Variants in MDGA1 observed in about 807,000 individuals in gnomAD.
The protein encoded by MDGA1 is MAM domain-containing glycosylphosphatidylinositol anchor protein 1.
MDGA1 carries 54 observed loss-of-function variants against 101.5 expected under a neutral mutation model. The observed-to-expected ratio is 0.53, with a 90% CI of 0.43 to 0.67. The LOEUF (loss-of-function observed/expected upper bound fraction) is 0.67, where lower values mean the gene tolerates loss of function less well. Among genes scored for constraint, MDGA1 ranks in the 30% least tolerant of loss-of-function variants. The probability of loss-of-function intolerance (pLI) is 0.00; values close to 1 mark genes in which losing one functional copy is unlikely to be tolerated. For synonymous variants in MDGA1, 533 were observed against 558.3 expected (o/e 0.95, Z 0.64); for missense variants, 1,083 against 1,323.8 (o/e 0.82, Z 2.82).
chr6:37,682,778 C>T (rs1762124099), intron 1 of MDGA1, among the ~76,000 whole-genome samples: 1 of 152,024 alleles, frequency 6.6e-6, no homozygotes, highest in Admixed American at 6.6e-5. Flanking sequence ...GCGGGGGGTT[C>T]AATAAATACT....
In MDGA1 at chr6:37,638,348, G is replaced by C; in HGVS notation, c.2668-35C>G. ...GGTCAGAAAGCAAGGAGCAAGGGTT[G>C]AGGAGGTTCTGCTGGGTACCAGAGT... is the stretch of plus-strand genomic sequence containing the variant. On this transcript the variant is annotated intron_variant, in intron 15 of 16. Transcript: ENST00000434837. The surrounding 1 kb of genome is among the most constrained non-coding windows in gnomAD (Gnocchi z 4.8). 6.4e-7 allele frequency: 1 copy of C among 1,564,640 alleles called. No individual in the cohort carries two copies. Among genetic ancestry groups the C allele is most frequent in the East Asian group, 2.2e-5 (1 of 44,504 alleles).
chr6:37,674,029 T>C (rs75051797), intron 1 of MDGA1, among the ~76,000 whole-genome samples: 2,800 of 152,322 alleles, frequency 0.018, 38 homozygotes, highest in Middle Eastern at 0.068. Context: ...TCTGAGCACC[T>C]ATTATGTGAA....
chr6:37,650,191 G>T lies in MDGA1; in HGVS notation c.1527C>A (p.Ser509Arg). The T allele has an allele frequency of 6.2e-7, 1 of 1,613,208 alleles. No individual in the cohort carries two copies. The highest frequency in any genetic ancestry group is 8.5e-7 in the Non-Finnish European group (1 of 1,179,732). ...GGGCCGTCTGGCAGCGGTAGGTCCC[G>T]CTCATGTCTCGGCTCACTCGCTCCA... ...LRLERVSRDM[S>R]GTYRCQTARY... is the part of the protein sequence containing the mutation. The change falls in exon 8 of 17, where the codon AGC becomes AGA. Residue 509 changes from serine to arginine, a missense_variant. Physicochemically the swap from Ser to Arg is moderately radical, Grantham distance 110. Transcript: ENST00000434837.
intron 14 of MDGA1, among the ~76,000 whole-genome samples, chr6:37,642,216 T>TCACTCAGG (rs1346817174): frequency 6.9e-6 from 1 of 144,710 alleles, no homozygotes; most frequent in Non-Finnish European, 1.5e-5. Flanking sequence ...TCTTACTCTG[T>TCACTCAGG]CACTCAGGCT....
At chr6:37,685,608 A>G (rs1762180946) in intron 1 of MDGA1, among the ~76,000 whole-genome samples, 1 of 152,158 alleles carries the variant, frequency 6.6e-6, no homozygotes, top group African/African-American at 2.4e-5. Context: ...TTTTTCTGGA[A>G]CCACAGAGCT....
chr6:37,686,357 T>C (rs1467421497), intron 1 of MDGA1, among the ~76,000 whole-genome samples: 1 of 48,834 alleles, frequency 2.0e-5, no homozygotes, highest in African/African-American at 1.2e-4. Flanking sequence ...ACGTAGGGAC[T>C]TTTTTTTTTA....
In MDGA1 at chr6:37,653,596, T is replaced by A. The variant is rs890486560; in HGVS notation, c.982+678A>T. Among the ~76,000 whole-genome samples the A allele has an allele frequency of 1.4e-4, 21 of 152,042 alleles. No homozygotes were observed. The East Asian group carries it at 1.5e-3, about 11-fold the overall frequency. On this transcript the variant is annotated intron_variant, in intron 6 of 16. Transcript: ENST00000434837. ...GCTCTCAGGTAGCCAAAATATATTT[T>A]AAAAAAAAGAAAAGAAAACAAACAA...
chr6:37,642,163 A>G (rs958057093), intron 14 of MDGA1, among the ~76,000 whole-genome samples: 11 of 140,474 alleles, frequency 7.8e-5, no homozygotes, highest in Non-Finnish European at 1.2e-4. Context: ...ATATATATAT[A>G]TGTACTGGTT....
At chr6:37,644,699 G>C (rs778697981) in intron 12 of MDGA1, 50 bp from the exon 13 acceptor site, 7 of 1,460,408 alleles carry the variant, frequency 4.8e-6, no homozygotes, top group African/African-American at 1.4e-5. Flanking sequence ...TTCAGTCCCT[G>C]AGGCCCAGCC....
At chr6:37,657,061 T>C (rs1761505927) in intron 3 of MDGA1, among the ~76,000 whole-genome samples, 1 of 152,178 alleles carries the variant, frequency 6.6e-6, no homozygotes, top group African/African-American at 2.4e-5. Flanking sequence ...AAATGTTCTA[T>C]CTCTTGAACT....
rs1761192250 is a variant in MDGA1 at position 37,646,274 on chromosome 6, G to A, written c.2148C>T (p.Ser716=). The change falls in exon 11 of 17, where the codon AGC becomes AGT. Residue 716 remains serine, a synonymous_variant. Coordinates refer to ENST00000434837, the MANE Select transcript of MDGA1 (RefSeq NM_153487.4). ...TATAGGGTGTGAGGCGGACCTCATA[G>A]CTGTGGGGCACACGGAGATCGGTCA... The part of the protein sequence containing the change: ...YILTDLRVPH[S]YEVRLTPYTT... 6.2e-7 allele frequency: 1 copy of A among 1,606,130 alleles called. No individual in the cohort carries two copies. Among genetic ancestry groups the A allele is most frequent in the Non-Finnish European group, 8.5e-7 (1 of 1,175,978 alleles).
rs1561841140 is a variant in MDGA1, at chr6:37,644,505, G to T, written c.2393C>A (p.Thr798Asn). 6.3e-7 allele frequency: 1 copy of T among 1,580,476 alleles called. No homozygotes were observed. The highest frequency in any genetic ancestry group is 1.4e-5 in the African/African-American group (1 of 73,706). ...NTGPPTDISG[T>N]PEGYYMFIET... ...GCAGGCCAGGTCCTCACCCTCAGGG[G>T]TGCCACTTATGTCGGTGGGGGGACC... Residue 798 changes from threonine (T) to asparagine (N), a missense_variant, in exon 13 of 17, where the codon ACC becomes AAC. Thr to Asn is a moderately conservative substitution (Grantham distance 65, BLOSUM62 0). Coordinates refer to ENST00000434837, the MANE Select transcript of MDGA1 (RefSeq NM_153487.4).
intron 7 of MDGA1, 49 bp from the exon 8 acceptor site, chr6:37,650,454 T>G: frequency 2.1e-6 from 3 of 1,449,816 alleles, no homozygotes; most frequent in Non-Finnish European, 2.7e-6. Context: ...GAGTTAGAGC[T>G]CCCCACTGGG....
At chr6:37,649,496 C>A (rs1266899091) in intron 8 of MDGA1, among the ~76,000 whole-genome samples, 1 of 152,218 alleles carries the variant, frequency 6.6e-6, no homozygotes, top group African/African-American at 2.4e-5. Context: ...TTCCCAGACC[C>A]GGCCTCCAGT....
In MDGA1 at chr6:37,655,568, T is replaced by C; in HGVS notation, c.579+132A>G. ...CTGCCCCAGGCTGTCTGAACTCCAA[T>C]CAGAATGTGTGTTTCCAAAGTAAGA... On this transcript the variant is annotated intron_variant, in intron 4 of 16. Transcript: ENST00000434837. The surrounding 1 kb of genome is among the most constrained non-coding windows in gnomAD (Gnocchi z 5.1). 1 of 717,100 alleles carries C rather than the reference T, an allele frequency of 1.4e-6. No homozygotes were observed. Among genetic ancestry groups the C allele is most frequent in the Non-Finnish European group, 2.3e-6 (1 of 435,224 alleles). The allele number at this position is 717,100 out of a possible 1,614,324, so 44.4% of individuals were successfully genotyped here.
intron 2 of MDGA1, 95 bp downstream of exon 2, chr6:37,663,872 C>T (rs1365353292): frequency 8.6e-6 from 12 of 1,394,814 alleles, no homozygotes; most frequent in South Asian, 5.2e-5. Context: ...TGCGGTGCAT[C>T]GTGAGTCCTC....
At chr6:37,641,449 T>C (rs1764078280) in intron 14 of MDGA1, among the ~76,000 whole-genome samples, 1 of 152,168 alleles carries the variant, frequency 6.6e-6, no homozygotes, top group Non-Finnish European at 1.5e-5. Flanking sequence ...CACCCCTCAG[T>C]TACCCCAGAA....
intron 9 of MDGA1, 121 bp downstream of exon 9, chr6:37,648,861 T>C (rs1212728625): frequency 1.4e-6 from 2 of 1,410,944 alleles, no homozygotes; most frequent in Non-Finnish European, 1.8e-6. Context: ...AAGCCTGGAG[T>C]AGGTGGGCTT....
intron 1 of MDGA1, among the ~76,000 whole-genome samples, chr6:37,674,129 T>A (rs1377217237): frequency 2.0e-5 from 3 of 152,158 alleles, no homozygotes; most frequent in Non-Finnish European, 4.4e-5. Context: ...CTGCAAACCA[T>A]ATTAAAGCCT....
Sources: gnomAD v4.1 joint callset for allele counts (sites outside exome capture counted in the v4.1 genomes callset) on GRCh38, gnomAD v4.1.1 for gene constraint, Gnocchi (gnomAD v3.1) non-coding constraint, MANE v1.5 for transcripts, NCBI Gene and HGNC (gene_info 2026-07-23, HGNC 2026-07-21) for gene names.